The following PDE10A variants were observed in gnomAD, a reference collection of about 807,000 sequenced individuals.
PDE10A encodes the protein cAMP and cAMP-inhibited cGMP 3',5'-cyclic phosphodiesterase 10A.
A neutral mutation model predicts 97.7 loss-of-function variants in PDE10A; 39 were observed. That is an observed-to-expected ratio of 0.40 (90% CI 0.31 to 0.52). The LOEUF is 0.52. Among genes scored for constraint, PDE10A ranks in the 20% least tolerant of loss-of-function variants. The pLI, the probability that PDE10A is intolerant of heterozygous loss-of-function variation, is 0.56. For synonymous variants in PDE10A, 371 were observed against 376.8 expected, an observed-to-expected ratio of 0.98 and a Z score of 0.18; for missense variants, 731 against 1,047.8, an observed-to-expected ratio of 0.70 and a Z score of 4.17.
intron 3 of PDE10A, among the ~76,000 whole-genome samples, chr6:165,460,059 G>A (rs943841522): frequency 2.6e-5 from 4 of 152,152 alleles, no homozygotes; most frequent in Admixed American, 6.5e-5. Context: ...ATTCTAAACC[G>A]GGGCATTTCC....
rs1482319866 is a variant in PDE10A at position 165,396,377 on chromosome 6, T to C, written c.2159A>G (p.Glu720Gly). 12 of 1,613,474 alleles carry C rather than the reference T, an allele frequency of 7.4e-6. No homozygotes were observed. Among genetic ancestry groups the C allele is most frequent in the Non-Finnish European group, 1.0e-5 (12 of 1,179,694 alleles). ...GAATTGCATGAGACCTTGCCACTCT[T>C]CTGAAGTACAAATGCTATGGTAGGA... The part of the protein sequence containing the change: ...KLSYHSICTS[E>G]EWQGLMQFTL... The change falls in exon 14 of 22, where the codon GAA becomes GGA. Residue 720 changes from glutamate to glycine, a missense_variant. Glu to Gly is a moderately conservative substitution (Grantham distance 98). This residue lies in a region of PDE10A where 131 missense variants were observed against 187.4 expected (regional missense o/e 0.70). Transcript: ENST00000539869.
intron 1 of PDE10A, chr6:165,775,370 A>T (rs1778150713): frequency 6.6e-6 from 1 of 152,166 alleles, no homozygotes; most frequent in Non-Finnish European, 1.5e-5. Context: ...CAACCACTTC[A>T]GCTACACAAT....
At chr6:165,691,075 T>C (rs12055739) in intron 1 of PDE10A, among the ~76,000 whole-genome samples, 2,501 of 50,184 alleles carry the variant, frequency 0.05, 93 homozygotes, top group East Asian at 0.25. Flanking sequence ...CTCTCTCTCT[T>C]TCTCTCTCTC....
intron 1 of PDE10A, among the ~76,000 whole-genome samples, chr6:165,787,378 G>C (rs562031306): frequency 1.8e-4 from 27 of 152,294 alleles, no homozygotes; most frequent in African/African-American, 6.5e-4. Context: ...GCCCGGGTGA[G>C]GGCCCGTCCT....
intron 1 of PDE10A, among the ~76,000 whole-genome samples, chr6:165,937,766 G>A (rs1365453676): frequency 1.3e-5 from 2 of 152,054 alleles, no homozygotes; most frequent in South Asian, 2.1e-4. Flanking sequence ...AATTAAACAC[G>A]AAACACACAC....
chr6:165,951,517 G>T (rs1237890700), intron 1 of PDE10A, among the ~76,000 whole-genome samples: 2 of 151,954 alleles, frequency 1.3e-5, no homozygotes, highest in African/African-American at 4.8e-5. Flanking sequence ...CCTCCCACTG[G>T]TCCTGAAGCA....
intron 1 of PDE10A, among the ~76,000 whole-genome samples, chr6:165,678,122 T>A (rs1790857995): frequency 6.6e-6 from 1 of 150,762 alleles, no homozygotes; most frequent in African/African-American, 2.4e-5. Flanking sequence ...TGTGGGTGTG[T>A]TTGTGTTTGT....
At chr6:165,554,048 G>C (rs1036574734) in intron 1 of PDE10A, among the ~76,000 whole-genome samples, 4 of 151,920 alleles carry the variant, frequency 2.6e-5, no homozygotes, top group African/African-American at 7.3e-5. Flanking sequence ...TGGGGGACTG[G>C]GGGTTCTGAG....
intron 1 of PDE10A, among the ~76,000 whole-genome samples, chr6:165,912,001 A>G (rs1263967976): frequency 6.6e-6 from 1 of 151,858 alleles, no homozygotes; most frequent in African/African-American, 2.4e-5. Context: ...ATATATATAT[A>G]TCTTTCTCTC....
At chr6:165,899,480 A>G (rs1309610920) in intron 1 of PDE10A, among the ~76,000 whole-genome samples, 2 of 152,196 alleles carry the variant, frequency 1.3e-5, no homozygotes, top group Admixed American at 1.3e-4. Flanking sequence ...TGGTGAATGG[A>G]GACTGTCACT....
At chr6:165,650,007 C>T (rs1315397350) in intron 1 of PDE10A, among the ~76,000 whole-genome samples, 2 of 152,132 alleles carry the variant, frequency 1.3e-5, no homozygotes, top group East Asian at 1.9e-4. Context: ...GATAAGATAA[C>T]CACAAGGGGT....
chr6:165,657,967 C>T (rs1407434997), intron 1 of PDE10A, among the ~76,000 whole-genome samples: 2 of 152,082 alleles, frequency 1.3e-5, no homozygotes, highest in African/African-American at 4.8e-5. Context: ...CTTTGGGGTA[C>T]CTGTTATCAT....
chr6:165,331,812 A>C lies in PDE10A; in HGVS notation c.*1213T>G, dbSNP rs1781357034. The C allele has an allele frequency of 6.6e-6, 1 of 152,202 alleles. No individual in the cohort carries two copies. The highest frequency in any genetic ancestry group is 2.1e-4 in the South Asian group (1 of 4,834). The allele number at this position is 152,202 out of a possible 1,614,324, so 9.4% of individuals were successfully genotyped here. A position where few individuals can be genotyped will look rare whatever the true frequency, so the allele number is the denominator to read the frequency against. ...AAGGTGTATAGAAGAAACCATCGAA[A>C]CCCACAGGCTTCTATGGAGTGATCT... is the stretch of plus-strand genomic sequence containing the variant. On this transcript the variant is annotated 3_prime_UTR_variant, in exon 22 of 22. Coordinates refer to ENST00000539869, the MANE Select transcript of PDE10A (RefSeq NM_001385079.1).
At chr6:165,792,309 G>A (rs1299794864) in intron 1 of PDE10A, among the ~76,000 whole-genome samples, 1 of 152,198 alleles carries the variant, frequency 6.6e-6, no homozygotes, top group Non-Finnish European at 1.5e-5. Flanking sequence ...GGAGCAGGAC[G>A]CAGGCTGCAG....
At chr6:165,829,060 A>T (rs1030801634) in intron 1 of PDE10A, among the ~76,000 whole-genome samples, 1 of 152,196 alleles carries the variant, frequency 6.6e-6, no homozygotes, top group Admixed American at 6.5e-5. Flanking sequence ...TGGGGTCCCC[A>T]CCAAAAGAGA....
chr6:165,563,090 C>G lies in PDE10A; in HGVS notation c.866-19522G>C, dbSNP rs141997875. On this transcript the variant is annotated intron_variant, in intron 1 of 21. Coordinates refer to ENST00000539869, the MANE Select transcript of PDE10A (RefSeq NM_001385079.1). ...ACAAAACTGCATAAAATACTGCAAT[C>G]AGAATAATTTCAGTACTTATTATAA... Among the ~76,000 whole-genome samples, 363 of 143,556 alleles carry G rather than the reference C, an allele frequency of 2.5e-3. 1 individual carries two copies. The highest frequency in any genetic ancestry group is 9.1e-3 in the African/African-American group (350 of 38,406). 94.2% of individuals were successfully genotyped at this position (143,556 alleles called of 152,430 possible).
intron 1 of PDE10A, among the ~76,000 whole-genome samples, chr6:165,934,007 C>T (rs1447445370): frequency 6.8e-6 from 1 of 146,216 alleles, no homozygotes; most frequent in South Asian, 2.2e-4. Context: ...TTTTTTTAGT[C>T]GGAGTCTCAC....
intron 18 of PDE10A, among the ~76,000 whole-genome samples, chr6:165,352,940 A>T: frequency 6.6e-6 from 1 of 152,204 alleles, no homozygotes; most frequent in East Asian, 1.9e-4. Context: ...GGCAAAAGGC[A>T]TATCTGATCA....
chr6:165,417,988 T>C (rs1788439847), intron 11 of PDE10A, among the ~76,000 whole-genome samples: 1 of 152,222 alleles, frequency 6.6e-6, no homozygotes, highest in Non-Finnish European at 1.5e-5. Context: ...TTAAGCTCGA[T>C]TCTTAAACGT....
Sources: gnomAD v4.1 joint callset for allele counts (sites outside exome capture counted in the v4.1 genomes callset) on GRCh38, gnomAD v4.1.1 for gene constraint, gnomAD v4.1.1 regional missense constraint, MANE v1.5 for transcripts, NCBI Gene and HGNC (gene_info 2026-07-23, HGNC 2026-07-21) for gene names.